Variants in MGARP observed in about 807,000 individuals in gnomAD.
The protein encoded by MGARP is protein MGARP.
A neutral mutation model predicts 11.0 loss-of-function variants in MGARP; 12 were observed. That is an observed-to-expected ratio of 1.09 (90% confidence interval 0.70 to 1.77). The LOEUF (loss-of-function observed/expected upper bound fraction) is 1.77, where lower values mean the gene tolerates loss of function less well. MGARP is among the 40% of genes most tolerant of loss of function. MGARP has a pLI of 0.00. For missense variants in MGARP, 283 were observed against 297.8 expected (o/e 0.95, Z 0.36); for synonymous variants, 110 against 115.4 (o/e 0.95, Z 0.30).
intron 1 of MGARP, among the ~76,000 whole-genome samples, chr4:139,275,930 T>C (rs935340908): frequency 3.3e-5 from 5 of 152,162 alleles, no homozygotes; most frequent in South Asian, 4.1e-4. Context: ...AAAGCAAATA[T>C]GGGCAGATAA....
At position 139,275,411 on chromosome 4, in the gene MGARP, AAC is replaced by A. The variant is rs778871634; in HGVS notation, c.83-21_83-20del. 2 of 1,597,870 alleles carry A rather than the reference AAC, an allele frequency of 1.3e-6. No homozygotes were observed. The highest frequency in any genetic ancestry group is 8.6e-7 in the Non-Finnish European group (1 of 1,167,196). ...AGAGATGCTAGGAAAAAAATGTTTA[AAC>A]ACAGTTAGCTTCACTAGTTGAGCAA... On this transcript the variant is annotated intron_variant, in intron 1 of 3. Coordinates refer to ENST00000398955, the MANE Select transcript of MGARP (RefSeq NM_032623.4).
chr4:139,268,711 A>G lies in MGARP; in HGVS notation c.241T>C (p.Leu81=), dbSNP rs765692705. The stretch of plus-strand genomic sequence containing the variant: ...ATCTCTGCTTTTGTTTTTTCTTTCA[A>G]ATTTGTTTTATGTTCTGTGTGTTTG... ...QAKHTEHKTN[L]KEKTKAEIHP... The change falls in exon 3 of 4, where the codon TTG becomes CTG. Residue 81 remains leucine (L), a synonymous_variant. Transcript: ENST00000398955. 3.1e-6 allele frequency: 5 copies of G among 1,611,000 alleles called. No individual in the cohort carries two copies. Among genetic ancestry groups the G allele is most frequent in the Non-Finnish European group, 4.2e-6 (5 of 1,179,028 alleles).
rs1744708236 is a variant in MGARP at position 139,266,962 on chromosome 4, T to C, written c.360A>G (p.Val120=). ...TAGCACTGGGACTTTCTTCAGCATC[T>C]ACCACCTCAGCTTCCACTATAAGTT... ...PEELIVEAEV[V]DAEESPSATV... The change falls in exon 4 of 4, where the codon GTA becomes GTG. Residue 120 remains valine, a synonymous_variant. Transcript: ENST00000398955. 1 of 1,614,122 alleles carries C rather than the reference T, an allele frequency of 6.2e-7. No individual in the cohort carries two copies. Among genetic ancestry groups the C allele is most frequent in the Admixed American group, 1.7e-5 (1 of 59,994 alleles).
chr4:139,275,397 G>GA lies in MGARP; in HGVS notation c.83-6dup, dbSNP rs1426745131. On this transcript the variant is annotated splice_polypyrimidine_tract_variant and splice_region_variant and intron_variant, in intron 1 of 3. Coordinates refer to ENST00000398955, the MANE Select transcript of MGARP (RefSeq NM_032623.4). The stretch of plus-strand genomic sequence containing the variant: ...ATGACATCCGGCGCAGAGATGCTAG[G>GA]AAAAAAATGTTTAAACACAGTTAGC... 2.5e-6 allele frequency: 4 copies of GA among 1,605,504 alleles called. No homozygotes were observed. The highest frequency in any genetic ancestry group is 2.2e-5 in the East Asian group (1 of 44,820).
At chr4:139,269,949 G>A (rs1011104257) in intron 2 of MGARP, among the ~76,000 whole-genome samples, 9 of 152,182 alleles carry the variant, frequency 5.9e-5, no homozygotes, top group African/African-American at 1.7e-4. Flanking sequence ...TTTAAAAATT[G>A]TACTACTTAA....
In MGARP at chr4:139,280,225, T is replaced by A; in HGVS notation, c.-67A>T. On this transcript the variant is annotated 5_prime_UTR_variant, in exon 1 of 4. Coordinates refer to ENST00000398955, the MANE Select transcript of MGARP (RefSeq NM_032623.4). ...GCAGGCTGCCCTTCCACAGAGAGGC[T>A]GAGAGCCTGGCAGCGCCCCGCCCGG... 6.8e-7 allele frequency: 1 copy of A among 1,481,160 alleles called. No individual in the cohort carries two copies. Among genetic ancestry groups the A allele is most frequent in the Non-Finnish European group, 9.1e-7 (1 of 1,102,608 alleles). 91.8% of individuals were successfully genotyped at this position (1,481,160 alleles called of 1,614,324 possible).
intron 2 of MGARP, 92 bp downstream of exon 2, chr4:139,275,197 A>T (rs1331117976): frequency 3.1e-6 from 3 of 969,748 alleles, no homozygotes; most frequent in Non-Finnish European, 4.8e-6. Flanking sequence ...TATTTAATTA[A>T]TCTCATGTCC....
chr4:139,271,386 C>T (rs1278469215), intron 2 of MGARP, among the ~76,000 whole-genome samples: 1 of 151,936 alleles, frequency 6.6e-6, no homozygotes. Flanking sequence ...ATTAGCCAGG[C>T]GTGGTGGCAG....
In MGARP at chr4:139,269,740, C is replaced by T. The variant is rs1235809666; in HGVS notation, c.187-975G>A. ...TCCTTTCATTTTATATTTAAGTAGTCTTCTTTGGCCTGTATTCATATTAGA... is the reference window on the plus strand; with the variant it reads ...TCCTTTCATTTTATATTTAAGTAGTTTTCTTTGGCCTGTATTCATATTAGA... On this transcript the variant is annotated intron_variant, in intron 2 of 3. Coordinates refer to ENST00000398955, the MANE Select transcript of MGARP (RefSeq NM_032623.4). Among the ~76,000 whole-genome samples, 7 of 151,552 alleles carry T rather than the reference C, an allele frequency of 4.6e-5. No individual in the cohort carries two copies. In the East Asian group the frequency reaches 1.4e-3, roughly 29 times the overall value.
chr4:139,274,397 A>G (rs1047161228), intron 2 of MGARP, among the ~76,000 whole-genome samples: 2 of 152,034 alleles, frequency 1.3e-5, no homozygotes, highest in African/African-American at 4.8e-5. Flanking sequence ...GGTTATATGG[A>G]AGTTTCTGTA....
intron 1 of MGARP, among the ~76,000 whole-genome samples, chr4:139,275,826 T>C (rs1039557437): frequency 2.6e-5 from 4 of 152,254 alleles, no homozygotes; most frequent in African/African-American, 9.6e-5. Flanking sequence ...TGTATTTATA[T>C]GTTAAATCAA....
At position 139,266,607 on chromosome 4, in the gene MGARP, G is replaced by A; in HGVS notation, c.715C>T (p.Gln239Ter). The A allele has an allele frequency of 1.2e-6, 2 of 1,612,198 alleles. No individual in the cohort carries two copies. Among genetic ancestry groups the A allele is most frequent in the South Asian group, 2.2e-5 (2 of 91,032 alleles). Residue 239 changes from glutamine to a stop codon, truncating the protein, a stop_gained, in exon 4 of 4, where the codon CAA becomes TAA. Coordinates refer to ENST00000398955, the MANE Select transcript of MGARP (RefSeq NM_032623.4). LOFTEE classifies it high-confidence loss of function. ...ASVGSEAASAQG is the reference protein window; with the variant it reads ...ASVGSEAASA ...TGTCTACCGGCTGGAGATTAGCCTT[G>A]AGCCGAAGCAGCCTCAGAGCCAACA... is the stretch of plus-strand genomic sequence containing the variant.
At chr4:139,275,416 A>G (rs748969341) in intron 1 of MGARP, 24 bp from the exon 2 acceptor site, 12 of 1,579,806 alleles carry the variant, frequency 7.6e-6, no homozygotes, top group Non-Finnish European at 1.0e-5. Flanking sequence ...GTTTAAACAC[A>G]GTTAGCTTCA....
rs755094456 is a variant in MGARP at position 139,268,764 on chromosome 4, G to A, written c.188C>T (p.Ala63Val). ...TTGGTCTGATGTGACTGTCTTGTAA[G>A]CCTGAAAGTAAATGTATGCTTAGGT... ...GVTVSAGGYY[A>V]YKTVTSDQAK... Residue 63 changes from alanine (A) to valine (V), a missense_variant and splice_region_variant, in exon 3 of 4, where the codon GCT (alanine) becomes GTT (valine). Physicochemically the swap from Ala to Val is moderately conservative, Grantham distance 64. Transcript: ENST00000398955. The A allele has an allele frequency of 6.2e-7, 1 of 1,601,668 alleles. No individual in the cohort carries two copies. Among genetic ancestry groups the A allele is most frequent in the Non-Finnish European group, 8.5e-7 (1 of 1,175,182 alleles).
chr4:139,267,392 T>G (rs1320619677), intron 3 of MGARP, among the ~76,000 whole-genome samples: 2 of 152,122 alleles, frequency 1.3e-5, no homozygotes, highest in East Asian at 1.9e-4. Context: ...AAAAACACAC[T>G]TGAATATATT....
At position 139,273,121 on chromosome 4, in the gene MGARP, G is replaced by A. The variant is rs148732813; in HGVS notation, c.186+2168C>T. On this transcript the variant is annotated intron_variant, in intron 2 of 3. Transcript: ENST00000398955. ...GGGTCCCGCTATGTTGGCCAGGCAGGTCTCAAACTCCTGCAAGCAATTCTC... is the reference window on the plus strand; with the variant it reads ...GGGTCCCGCTATGTTGGCCAGGCAGATCTCAAACTCCTGCAAGCAATTCTC... Among the ~76,000 whole-genome samples, 28 of 152,232 alleles carry A rather than the reference G, an allele frequency of 1.8e-4. No individual in the cohort carries two copies. In the East Asian group the frequency reaches 5.2e-3, roughly 28 times the overall value.
chr4:139,268,896 G>C (rs1039926822), intron 2 of MGARP, 131 bp from the exon 3 acceptor site: 1 of 611,710 alleles, frequency 1.6e-6, no homozygotes, highest in African/African-American at 1.8e-5. Flanking sequence ...TAGCAAAGAA[G>C]AGAAATCAGT....
chr4:139,269,503 C>T (rs775921298), intron 2 of MGARP, among the ~76,000 whole-genome samples: 1 of 151,800 alleles, frequency 6.6e-6, no homozygotes, highest in African/African-American at 2.4e-5. Flanking sequence ...TGGTGGTGCT[C>T]GCCTGTAGCC....
chr4:139,269,687 T>C (rs1019355730), intron 2 of MGARP, among the ~76,000 whole-genome samples: 2 of 151,466 alleles, frequency 1.3e-5, no homozygotes, highest in Non-Finnish European at 2.9e-5. Context: ...AAGAAAGCTA[T>C]TTTAATCACA....
Sources: allele counts gnomAD v4.1 joint callset (sites outside exome capture counted in the v4.1 genomes callset), GRCh38; gene constraint gnomAD v4.1.1; transcripts MANE v1.5; gene names NCBI Gene and HGNC (gene_info 2026-07-23, HGNC 2026-07-21).